The following SORCS2 variants were observed in gnomAD, a reference collection of about 807,000 sequenced individuals.
SORCS2 encodes the protein sortilin related VPS10 domain containing receptor 2, also known as VPS10 domain-containing receptor SorCS2.
A neutral mutation model predicts 141.6 loss-of-function variants in SORCS2; 100 were observed. The ratio of observed to expected loss-of-function variants is 0.71; its 90% confidence interval spans 0.60 to 0.83. The LOEUF (loss-of-function observed/expected upper bound fraction) is 0.83, where lower values mean the gene tolerates loss of function less well. SORCS2 is among the 40% of genes least tolerant of loss of function. SORCS2 has a pLI of 0.00. For missense variants in SORCS2, 1,646 were observed against 1,560.2 expected (o/e 1.05, Z -0.93); for synonymous variants, 789 against 676.9 (o/e 1.17, Z -2.57).
At chr4:7,679,534 A>G (rs543912247) in intron 9 of SORCS2, among the ~76,000 whole-genome samples, 1 of 152,322 alleles carries the variant, frequency 6.6e-6, no homozygotes, top group East Asian at 1.9e-4. Context: ...CAGAGACAGG[A>G]GAGGAGCCAC....
intron 1 of SORCS2, among the ~76,000 whole-genome samples, chr4:7,297,419 AC>A (rs1717150691): frequency 1.3e-5 from 2 of 150,070 alleles, no homozygotes; most frequent in Admixed American, 6.6e-5. Context: ...CCCCTCCCCC[AC>A]CCCCACCCCA....
chr4:7,528,664 C>T (rs1318445211), intron 2 of SORCS2, among the ~76,000 whole-genome samples: 1 of 152,142 alleles, frequency 6.6e-6, no homozygotes, highest in African/African-American at 2.4e-5. Context: ...GACCTCAGGC[C>T]TCAGCCTCCT....
chr4:7,260,416 G>A (rs562826831), intron 1 of SORCS2, among the ~76,000 whole-genome samples: 22 of 152,320 alleles, frequency 1.4e-4, no homozygotes, highest in African/African-American at 5.3e-4. Flanking sequence ...GCAACAAATT[G>A]CTATGATTGA....
In SORCS2 at chr4:7,192,913, G is replaced by A. The variant is rs2108842169; in HGVS notation, c.267G>A (p.Thr89=). The change falls in exon 1 of 27, where the codon ACG becomes ACA. Residue 89 remains threonine, a synonymous_variant. Transcript: ENST00000507866. This position sits in a 1 kb window ranked among gnomAD's most constrained non-coding sequence, Gnocchi z 4.0. ...GCGAGGACCGGCAGGCGCGCGGCAC[G>A]GAGCCAGGCGCCCCGGGTCCGAGTC... ...GGGEDRQARG[T]EPGAPGPSPG... 5.9e-6 allele frequency: 7 copies of A among 1,193,856 alleles called. No homozygotes were observed. The South Asian group carries it at 1.2e-4, about 20-fold the overall frequency. 74.0% of individuals were successfully genotyped at this position (1,193,856 alleles called of 1,614,324 possible). A position where few individuals can be genotyped will look rare whatever the true frequency, so the allele number is the denominator to read the frequency against.
chr4:7,735,045 C>T (rs1712054241), intron 25 of SORCS2, among the ~76,000 whole-genome samples: 1 of 152,240 alleles, frequency 6.6e-6, no homozygotes, highest in Non-Finnish European at 1.5e-5. Context: ...GCGTCATGGC[C>T]ACCCTGCAGG....
intron 3 of SORCS2, among the ~76,000 whole-genome samples, chr4:7,556,839 C>T (rs2109655761): frequency 6.7e-6 from 1 of 150,326 alleles, no homozygotes; most frequent in South Asian, 2.1e-4. Context: ...ATCCATCCAC[C>T]TACCACCCAT....
intron 3 of SORCS2, among the ~76,000 whole-genome samples, chr4:7,584,065 C>A (rs1291687254): frequency 6.6e-6 from 1 of 152,232 alleles, no homozygotes; most frequent in Non-Finnish European, 1.5e-5. Flanking sequence ...GTCTTGCGGA[C>A]ACTAACATAA....
intron 3 of SORCS2, among the ~76,000 whole-genome samples, chr4:7,630,576 T>C (rs776587221): frequency 6.6e-6 from 1 of 152,132 alleles, no homozygotes; most frequent in Non-Finnish European, 1.5e-5. Context: ...CGGGAGTGAC[T>C]TTCTCCTGAA....
intron 3 of SORCS2, among the ~76,000 whole-genome samples, chr4:7,610,950 C>T (rs1484816503): frequency 6.6e-6 from 1 of 152,152 alleles, no homozygotes; most frequent in East Asian, 1.9e-4. Flanking sequence ...TAGTTACTGG[C>T]CATTCATCAA....
intron 2 of SORCS2, among the ~76,000 whole-genome samples, chr4:7,423,589 C>T (rs919391498): frequency 1.3e-5 from 2 of 152,186 alleles, no homozygotes; most frequent in Non-Finnish European, 2.9e-5. Flanking sequence ...TGAGACTGGA[C>T]ATTTCATTTG....
At chr4:7,574,071 G>A (rs567792838) in intron 3 of SORCS2, among the ~76,000 whole-genome samples, 6 of 152,354 alleles carry the variant, frequency 3.9e-5, no homozygotes, top group South Asian at 4.1e-4. Context: ...CTTTGGCATT[G>A]CTTTATTCTC....
intron 3 of SORCS2, among the ~76,000 whole-genome samples, chr4:7,531,877 G>A (rs975552616): frequency 3.9e-5 from 6 of 152,380 alleles, no homozygotes; most frequent in Admixed American, 6.5e-5. Context: ...TTGTCTTCCC[G>A]CTGGTTGGGG....
Position 7,664,522 on chromosome 4 carries a change from A to G in SORCS2, c.1071+51A>G, listed in dbSNP as rs1722384498. 1.4e-6 allele frequency: 2 copies of G among 1,384,902 alleles called. No individual in the cohort carries two copies. Among genetic ancestry groups the G allele is most frequent in the African/African-American group, 1.4e-5 (1 of 69,394 alleles). 85.8% of individuals were successfully genotyped at this position (1,384,902 alleles called of 1,614,324 possible). ...AAATTGGCAACAGGTGACGTGGCGG[A>G]TGACCCGTTCGCGGCAAAAATGGCA... On this transcript the variant is annotated intron_variant, in intron 7 of 26. Coordinates refer to ENST00000507866, the MANE Select transcript of SORCS2 (RefSeq NM_020777.3). This position sits in a 1 kb window ranked among gnomAD's most constrained non-coding sequence, Gnocchi z 4.7.
chr4:7,271,708 G>A (rs564696171), intron 1 of SORCS2, among the ~76,000 whole-genome samples: 1 of 152,396 alleles, frequency 6.6e-6, no homozygotes, highest in African/African-American at 2.4e-5. Flanking sequence ...TTCAGTGTGT[G>A]GCAGGAGCTA....
At chr4:7,242,784 C>T (rs1047954972) in intron 1 of SORCS2, among the ~76,000 whole-genome samples, 4 of 152,230 alleles carry the variant, frequency 2.6e-5, no homozygotes, top group South Asian at 2.1e-4. Context: ...AGCTGATGCT[C>T]GGTCAGTCTT....
At chr4:7,384,156 A>T (rs1723150946) in intron 1 of SORCS2, among the ~76,000 whole-genome samples, 1 of 152,108 alleles carries the variant, frequency 6.6e-6, no homozygotes, top group Non-Finnish European at 1.5e-5. Flanking sequence ...CAAGGGCTGC[A>T]TGGTGGAGTC....
chr4:7,541,326 T>C (rs561875024), intron 3 of SORCS2, among the ~76,000 whole-genome samples: 36 of 152,334 alleles, frequency 2.4e-4, no homozygotes, highest in Admixed American at 4.6e-4. Context: ...CCTGGGCACA[T>C]GCTGGGGCTG....
At chr4:7,584,770 C>T (rs1319895883) in intron 3 of SORCS2, among the ~76,000 whole-genome samples, 2 of 152,272 alleles carry the variant, frequency 1.3e-5, no homozygotes, top group East Asian at 3.9e-4. Context: ...CATCATAATT[C>T]TGCAGCCCTC....
chr4:7,338,421 A>AAGATGGATGGATGGAT (rs146823899), intron 1 of SORCS2, among the ~76,000 whole-genome samples: 2 of 148,564 alleles, frequency 1.3e-5, no homozygotes, highest in African/African-American at 5.0e-5. Context: ...GTTGGATGGA[A>AAGATGGATGGATGGAT]GGATGGATGG....
Sources: gnomAD v4.1 joint callset for allele counts (sites outside exome capture counted in the v4.1 genomes callset) on GRCh38, gnomAD v4.1.1 for gene constraint, Gnocchi (gnomAD v3.1) non-coding constraint, MANE v1.5 for transcripts, NCBI Gene and HGNC (gene_info 2026-07-23, HGNC 2026-07-21) for gene names.